EP400: variants seen among roughly 807,000 people sequenced by gnomAD.
EP400 encodes E1A binding protein p400, also known as E1A-binding protein p400.
EP400 carries 105 observed loss-of-function variants against 354.1 expected under a neutral mutation model. The observed-to-expected ratio is 0.30, with a 90% CI of 0.25 to 0.35. EP400 has a LOEUF of 0.35. Among genes scored for constraint, EP400 ranks in the 10% least tolerant of loss-of-function variants. The pLI is 1.00. For missense variants in EP400, 3,280 were observed against 4,121.0 expected, an observed-to-expected ratio of 0.80 and a Z score of 5.59; for synonymous variants, 1,646 against 1,716.9, an observed-to-expected ratio of 0.96 and a Z score of 1.02.
At chr12:131,950,238 T>A (rs1035691418) in intron 1 of EP400, among the ~76,000 whole-genome samples, 5 of 151,492 alleles carry the variant, frequency 3.3e-5, no homozygotes, top group African/African-American at 1.2e-4. Flanking sequence ...CGGGCCCGGG[T>A]CTTTCGAGTC....
chr12:132,074,550 C>T (rs996633514), intron 51 of EP400, among the ~76,000 whole-genome samples: 2 of 152,180 alleles, frequency 1.3e-5, no homozygotes, highest in African/African-American at 2.4e-5. Flanking sequence ...TCTTGAATCT[C>T]GGGCAGTCTC....
Position 132,017,857 on chromosome 12 carries a change from C to A in EP400, c.4110+136C>A, listed in dbSNP as rs201247333. ...ATTGCAGCTCCGCGATACATGGCAC[C>A]GTCTAGCAGCACTGATGGCCTGCCA... On this transcript the variant is annotated intron_variant, in intron 20 of 52. Coordinates refer to ENST00000389561, the MANE Select transcript of EP400 (RefSeq NM_015409.5). This position sits in a 1 kb window ranked among gnomAD's most constrained non-coding sequence, Gnocchi z 5.0. 5 of 1,012,906 alleles carry A rather than the reference C, an allele frequency of 4.9e-6. No individual in the cohort carries two copies. Among genetic ancestry groups the A allele is most frequent in the South Asian group, 1.8e-5 (1 of 55,828 alleles). 62.7% of individuals were successfully genotyped at this position (1,012,906 alleles called of 1,614,324 possible).
intron 41 of EP400, among the ~76,000 whole-genome samples, chr12:132,051,434 T>C (rs1157838132): frequency 6.6e-6 from 1 of 152,148 alleles, no homozygotes; most frequent in African/African-American, 2.4e-5. Flanking sequence ...TGCACTGATA[T>C]TTATTGGATA....
At chr12:131,971,271 T>G (rs1003016973) in intron 2 of EP400, among the ~76,000 whole-genome samples, 2 of 152,242 alleles carry the variant, frequency 1.3e-5, no homozygotes, top group Non-Finnish European at 2.9e-5. Context: ...CTTATTTCAG[T>G]TAGCATTATG....
At chr12:132,014,099 A>T (rs919805192) in intron 19 of EP400, among the ~76,000 whole-genome samples, 186 bp downstream of exon 19, 1 of 152,240 alleles carries the variant, frequency 6.6e-6, no homozygotes, top group Non-Finnish European at 1.5e-5. Context: ...TTTCAGGCTC[A>T]TGCTGGTCCT....
rs1896031658 is a variant in EP400, at chr12:132,070,372, G to A, written c.9021+731G>A. Among the ~76,000 whole-genome samples the A allele has an allele frequency of 6.6e-6, 1 of 152,210 alleles. No individual in the cohort carries two copies. Among genetic ancestry groups the A allele is most frequent in the South Asian group, 2.1e-4 (1 of 4,836 alleles). On this transcript the variant is annotated intron_variant, in intron 51 of 52. Transcript: ENST00000389561. This position sits in a 1 kb window ranked among gnomAD's most constrained non-coding sequence, Gnocchi z 4.1. Reference sequence around the variant, plus strand: ...CCCATTTATTTAAAAGCCCAATTCTGTCATCCATCGATCCACAGTGCCGCC... The same window carrying A: ...CCCATTTATTTAAAAGCCCAATTCTATCATCCATCGATCCACAGTGCCGCC...
intron 12 of EP400, among the ~76,000 whole-genome samples, chr12:132,002,220 A>G (rs1893440080): frequency 6.6e-6 from 1 of 152,168 alleles, no homozygotes; most frequent in African/African-American, 2.4e-5. Context: ...GTACATTTGT[A>G]TTAAATTTAA....
chr12:132,034,040 A>G (rs1353347066), intron 30 of EP400, among the ~76,000 whole-genome samples: 17 of 152,226 alleles, frequency 1.1e-4, no homozygotes, highest in Admixed American at 1.1e-3. Context: ...CTGCTTCTTG[A>G]AGAAGGCTCA....
chr12:132,046,966 A>C (rs1013262731), intron 39 of EP400, among the ~76,000 whole-genome samples: 1 of 152,218 alleles, frequency 6.6e-6, no homozygotes, highest in Admixed American at 6.5e-5. Flanking sequence ...ATCTTCTTGC[A>C]TGGAACAGGG....
At chr12:132,028,795 C>T (rs1021777977) in intron 27 of EP400, among the ~76,000 whole-genome samples, 1 of 152,178 alleles carries the variant, frequency 6.6e-6, no homozygotes, top group African/African-American at 2.4e-5. Flanking sequence ...TTTCCACTCC[C>T]TGCTTGGACC....
intron 1 of EP400, among the ~76,000 whole-genome samples, chr12:131,950,651 C>T (rs1467810421): frequency 2.0e-5 from 3 of 152,196 alleles, no homozygotes; most frequent in African/African-American, 7.2e-5. Context: ...TAGTAATTGC[C>T]GCTGCCTCCC....
chr12:132,069,272 C>T (rs1895997177), intron 50 of EP400: 2 of 569,990 alleles, frequency 3.5e-6, no homozygotes, highest in Non-Finnish European at 5.9e-6. Flanking sequence ...GGCCAGGCCT[C>T]CTGGAGGAGA....
rs1005343277 is a variant in EP400 at position 132,067,226 on chromosome 12, A to G, written c.8750-136A>G. Reference sequence around the variant, plus strand: ...ACCCAGAAACATTTTAATGTAGTTAAGGGATGGCTTACTTGTCTCCATAGA... The same window carrying G: ...ACCCAGAAACATTTTAATGTAGTTAGGGGATGGCTTACTTGTCTCCATAGA... On this transcript the variant is annotated intron_variant, in intron 49 of 52. Transcript: ENST00000389561. The surrounding 1 kb of genome is among the most constrained non-coding windows in gnomAD (Gnocchi z 5.3). 3 of 1,326,404 alleles carry G rather than the reference A, an allele frequency of 2.3e-6. No individual in the cohort carries two copies. The highest frequency in any genetic ancestry group is 2.4e-5 in the East Asian group (1 of 42,464). 82.2% of individuals were successfully genotyped at this position (1,326,404 alleles called of 1,614,324 possible).
intron 6 of EP400, 34 bp downstream of exon 6, chr12:131,986,841 C>A: frequency 6.4e-7 from 1 of 1,561,648 alleles, no homozygotes; most frequent in South Asian, 1.2e-5. Flanking sequence ...AAAATGTACT[C>A]CAGTTGGTGA....
chr12:131,985,512 A>ACTCAGCCCACCTTCC (rs1444272147), intron 5 of EP400, among the ~76,000 whole-genome samples: 1 of 152,184 alleles, frequency 6.6e-6, no homozygotes, highest in East Asian at 1.9e-4. Flanking sequence ...GTGAGCCTTC[A>ACTCAGCCCACCTTCC]CTCAGCCCAC....
chr12:132,076,304 T>C (rs1476933391), intron 51 of EP400: 1 of 673,142 alleles, frequency 1.5e-6, no homozygotes, highest in Non-Finnish European at 2.7e-6. Flanking sequence ...TGATGAGTGA[T>C]GGCAAATTGG....
At chr12:132,034,665 GGTTGGCT>G (rs1894633578) in intron 30 of EP400, among the ~76,000 whole-genome samples, 1 of 152,238 alleles carries the variant, frequency 6.6e-6, no homozygotes, top group Non-Finnish European at 1.5e-5. Flanking sequence ...ATGTTACAAA[GGTTGGCT>G]GTCGCAGTAA....
chr12:132,012,496 T>C (rs1893799695), intron 16 of EP400, among the ~76,000 whole-genome samples: 1 of 152,206 alleles, frequency 6.6e-6, no homozygotes, highest in East Asian at 1.9e-4. Context: ...AAGTTCATCC[T>C]TGAGAGCAGG....
Position 132,050,771 on chromosome 12 carries a change from G to T in EP400, c.7394+116G>T. The stretch of plus-strand genomic sequence containing the variant: ...CACTTAGCGTGTTCAGGCATCAGCT[G>T]GACGTGGCAGTGCGCAGAACCTGCA... On this transcript the variant is annotated intron_variant, in intron 41 of 52. Transcript: ENST00000389561. This position sits in a 1 kb window ranked among gnomAD's most constrained non-coding sequence, Gnocchi z 4.8. 1 of 1,302,348 alleles carries T rather than the reference G, an allele frequency of 7.7e-7. No individual in the cohort carries two copies. The allele number at this position is 1,302,348 out of a possible 1,614,324, so 80.7% of individuals were successfully genotyped here.
Sources: gnomAD v4.1 joint callset for allele counts (sites outside exome capture counted in the v4.1 genomes callset) on GRCh38, gnomAD v4.1.1 for gene constraint, Gnocchi (gnomAD v3.1) non-coding constraint, MANE v1.5 for transcripts, NCBI Gene and HGNC (gene_info 2026-07-23, HGNC 2026-07-21) for gene names.